Variants in SLC24A2 observed in about 807,000 individuals in gnomAD.
SLC24A2 encodes the protein solute carrier family 24 member 2, also known as sodium/potassium/calcium exchanger 2.
Under a neutral mutation model 62.0 loss-of-function variants are expected in SLC24A2, and 36 were observed. The observed-to-expected ratio is 0.58, with a 90% CI of 0.44 to 0.77. The LOEUF is 0.77. Among genes scored for constraint, SLC24A2 ranks in the 30% least tolerant of loss-of-function variants. The pLI is 0.00. For missense variants in SLC24A2, 846 were observed against 817.9 expected, an observed-to-expected ratio of 1.03 and a Z score of -0.42; for synonymous variants, 358 against 294.0, an observed-to-expected ratio of 1.22 and a Z score of -2.23.
At chr9:19,548,440 A>T (rs1435331038) in intron 8 of SLC24A2, among the ~76,000 whole-genome samples, 1 of 152,168 alleles carries the variant, frequency 6.6e-6, no homozygotes, top group Non-Finnish European at 1.5e-5. Flanking sequence ...AACAATATAC[A>T]TATTCCTACC....
intron 7 of SLC24A2, among the ~76,000 whole-genome samples, chr9:19,558,879 T>A (rs943384940): frequency 3.3e-5 from 5 of 152,218 alleles, no homozygotes; most frequent in African/African-American, 9.6e-5. Context: ...TATGTGCCTA[T>A]ATAGTGAGTG....
chr9:19,722,669 A>C (rs910985015), intron 2 of SLC24A2, among the ~76,000 whole-genome samples: 14 of 144,270 alleles, frequency 9.7e-5, no homozygotes, highest in East Asian at 4.1e-4. Context: ...AAAAAAAAAA[A>C]CCACGATATT....
chr9:19,813,796 G>C, the SLC24A2 span, among the ~76,000 whole-genome samples: 1 of 152,078 alleles, frequency 6.6e-6, no homozygotes, highest in African/African-American at 2.4e-5. Flanking sequence ...CTTATAAAGA[G>C]ACCATAAAGA....
chr9:19,736,210 A>C (rs1462534705), intron 2 of SLC24A2, among the ~76,000 whole-genome samples: 5 of 152,172 alleles, frequency 3.3e-5, no homozygotes, highest in African/African-American at 1.2e-4. Context: ...TGGGAAACAA[A>C]ATATAATAAT....
chr9:19,596,827 A>G (rs572676364), intron 5 of SLC24A2, among the ~76,000 whole-genome samples: 2 of 152,334 alleles, frequency 1.3e-5, no homozygotes, highest in Admixed American at 6.5e-5. Context: ...ATTCCTTTGC[A>G]TAAATCAGAA....
At chr9:19,850,354 A>T in the SLC24A2 span, among the ~76,000 whole-genome samples, 1 of 152,296 alleles carries the variant, frequency 6.6e-6, no homozygotes, top group Non-Finnish European at 1.5e-5. Context: ...GGAGTAGAAC[A>T]TTTGAATTGT....
intron 7 of SLC24A2, among the ~76,000 whole-genome samples, chr9:19,565,892 T>A (rs1168393946): frequency 6.6e-6 from 1 of 150,508 alleles, no homozygotes; most frequent in East Asian, 1.9e-4. Context: ...TAAATGGTAC[T>A]GGGAAAACTG....
the SLC24A2 span, among the ~76,000 whole-genome samples, chr9:20,293,866 GATC>G: frequency 6.6e-6 from 1 of 152,086 alleles, no homozygotes; most frequent in Non-Finnish European, 1.5e-5. Context: ...CTTCAGCAGA[GATC>G]AGTCCATTTA....
chr9:20,284,193 C>A, the SLC24A2 span, among the ~76,000 whole-genome samples: 1 of 152,186 alleles, frequency 6.6e-6, no homozygotes, highest in Non-Finnish European at 1.5e-5. Context: ...TACACAGCCA[C>A]GGACTTGATC....
At chr9:20,292,601 G>GT in the SLC24A2 span, among the ~76,000 whole-genome samples, 2 of 152,080 alleles carry the variant, frequency 1.3e-5, no homozygotes, top group African/African-American at 4.8e-5. Context: ...TTACGGTTCT[G>GT]TTTTTTGTTT....
the SLC24A2 span, among the ~76,000 whole-genome samples, chr9:19,814,059 A>G: frequency 5.9e-5 from 9 of 152,194 alleles, no homozygotes; most frequent in East Asian, 1.5e-3. Flanking sequence ...GGCTTTAAAC[A>G]TATTTGTTGT....
chr9:20,022,122 A>G, the SLC24A2 span, among the ~76,000 whole-genome samples: 1 of 152,134 alleles, frequency 6.6e-6, no homozygotes, highest in Non-Finnish European at 1.5e-5. Flanking sequence ...AAAACCATCC[A>G]ACACTCTAAC....
intron 2 of SLC24A2, among the ~76,000 whole-genome samples, chr9:19,741,808 T>C (rs1821686929): frequency 6.6e-6 from 1 of 152,192 alleles, no homozygotes; most frequent in Non-Finnish European, 1.5e-5. Flanking sequence ...TGAGCATACA[T>C]TTGTGTAAAA....
intron 2 of SLC24A2, among the ~76,000 whole-genome samples, chr9:19,636,326 T>TTCTTTTCCTTC (rs1491476004): frequency 3.7e-5 from 1 of 26,874 alleles, no homozygotes; most frequent in Non-Finnish European, 7.3e-5. Context: ...TTTCTTTCTT[T>TTCTTTTCCTTC]CTTTCTTTCT....
Position 19,521,619 on chromosome 9 carries a change from A to G in SLC24A2, c.1570-559T>C, listed in dbSNP as rs191444434. On this transcript the variant is annotated intron_variant, in intron 9 of 10. Coordinates refer to ENST00000341998, the MANE Select transcript of SLC24A2 (RefSeq NM_020344.4). ...ACACATAGCAAAGCAACTGTGGAGA[A>G]GCAAAATCCAGAAAATCAGAGGACC... 2.1e-4 allele frequency among the ~76,000 whole-genome samples: 32 copies of G among 152,354 alleles called. 1 individual carries two copies. The highest frequency in any genetic ancestry group is 1.9e-3 in the Admixed American group (29 of 15,302).
At chr9:19,741,081 C>T (rs904023915) in intron 2 of SLC24A2, among the ~76,000 whole-genome samples, 1 of 152,148 alleles carries the variant, frequency 6.6e-6, no homozygotes, top group African/African-American at 2.4e-5. Flanking sequence ...ACCTAGAATG[C>T]TGTCTCACCC....
chr9:20,148,648 T>A, the SLC24A2 span, among the ~76,000 whole-genome samples: 4 of 152,122 alleles, frequency 2.6e-5, no homozygotes, highest in Non-Finnish European at 5.9e-5. Flanking sequence ...TTGACCTCAG[T>A]TGGAATATGC....
chr9:19,525,796 A>G lies in SLC24A2; in HGVS notation c.1569+2253T>C, dbSNP rs144911751. Among the ~76,000 whole-genome samples the G allele has an allele frequency of 1.9e-3, 268 of 142,176 alleles. 9 individuals are homozygous for G. In the East Asian group the frequency reaches 0.047, roughly 25 times the overall value. 93.3% of individuals were successfully genotyped at this position (142,176 alleles called of 152,430 possible). A position where few individuals can be genotyped will look rare whatever the true frequency, so the allele number is the denominator to read the frequency against. Reference sequence around the variant, plus strand: ...TTTTTTTTTTTTTTTTTTATAGCCAACCTAGTGGTTGTGAAGTGATATCTT... The same window carrying G: ...TTTTTTTTTTTTTTTTTTATAGCCAGCCTAGTGGTTGTGAAGTGATATCTT... On this transcript the variant is annotated intron_variant, in intron 9 of 10. Transcript: ENST00000341998.
intron 5 of SLC24A2, among the ~76,000 whole-genome samples, chr9:19,596,276 C>T (rs893113613): frequency 3.3e-5 from 5 of 152,228 alleles, no homozygotes; most frequent in African/African-American, 1.2e-4. Flanking sequence ...GGGAGTTTCT[C>T]TCTCATGCTG....
Sources: gnomAD v4.1 joint callset for allele counts (sites outside exome capture counted in the v4.1 genomes callset) on GRCh38, gnomAD v4.1.1 for gene constraint, MANE v1.5 for transcripts, NCBI Gene and HGNC (gene_info 2026-07-23, HGNC 2026-07-21) for gene names.